The following COL14A1 variants were observed in gnomAD, a reference collection of about 807,000 sequenced individuals.
The protein encoded by COL14A1 is collagen type XIV alpha 1 chain, also known as collagen alpha-1(XIV) chain.
In COL14A1, 136 loss-of-function variants were observed where a neutral mutation model predicts 230.3. The ratio of observed to expected loss-of-function variants is 0.59; its 90% confidence interval spans 0.51 to 0.68. COL14A1 has a LOEUF of 0.68. Ranked by LOEUF, COL14A1 falls within the 30% of genes least tolerant of loss-of-function variation. The pLI, the probability that COL14A1 is intolerant of heterozygous loss-of-function variation, is 0.00. For synonymous variants in COL14A1, 792 were observed against 784.1 expected, an observed-to-expected ratio of 1.01 and a Z score of -0.17; for missense variants, 1,976 against 2,215.8, an observed-to-expected ratio of 0.89 and a Z score of 2.17.
intron 47 of COL14A1, chr8:120,370,567 G>T: frequency 1.4e-6 from 2 of 1,458,982 alleles, no homozygotes; most frequent in Non-Finnish European, 1.8e-6. Flanking sequence ...GATAACATCG[G>T]AACTTAACCA....
At chr8:120,194,400 C>T (rs987853508) in intron 5 of COL14A1, among the ~76,000 whole-genome samples, 5 of 152,046 alleles carry the variant, frequency 3.3e-5, no homozygotes, top group Admixed American at 6.6e-5. Context: ...ACCCAAGCCC[C>T]CCCTTACCCC....
chr8:120,372,043 G>A lies in COL14A1; in HGVS notation c.*812G>A. On this transcript the variant is annotated 3_prime_UTR_variant, in exon 48 of 48. Coordinates refer to ENST00000297848, the MANE Select transcript of COL14A1 (RefSeq NM_021110.4). ...ATAAAACTTTAAAACAATGTATGTG[G>A]ATTCTTTTTCCTGCATTTCTAAGTA... is the stretch of plus-strand genomic sequence containing the variant. 1 of 161,490 alleles carries A rather than the reference G, an allele frequency of 6.2e-6. No individual in the cohort carries two copies. The highest frequency in any genetic ancestry group is 1.3e-5 in the Non-Finnish European group (1 of 74,110). The allele number at this position is 161,490 out of a possible 1,614,324, so 10.0% of individuals were successfully genotyped here.
At chr8:120,219,078 C>A (rs778969234) in intron 14 of COL14A1, among the ~76,000 whole-genome samples, 35 of 151,338 alleles carry the variant, frequency 2.3e-4, no homozygotes, top group Admixed American at 1.8e-3. Flanking sequence ...TTCTTTTAGT[C>A]CATTTGGTTT....
At chr8:120,144,228 G>A (rs1243073368) in intron 1 of COL14A1, among the ~76,000 whole-genome samples, 4 of 152,158 alleles carry the variant, frequency 2.6e-5, no homozygotes, top group African/African-American at 9.7e-5. Context: ...TAGCTCAAAT[G>A]TAGTATCATT....
intron 1 of COL14A1, among the ~76,000 whole-genome samples, chr8:120,138,559 A>C (rs180998572): frequency 1.3e-5 from 2 of 152,310 alleles, no homozygotes; most frequent in East Asian, 3.9e-4. Context: ...GAGAGAAAAA[A>C]GCTAACCACC....
intron 36 of COL14A1, among the ~76,000 whole-genome samples, chr8:120,309,795 G>C (rs760582944): frequency 6.6e-6 from 1 of 152,022 alleles, no homozygotes; most frequent in Non-Finnish European, 1.5e-5. Context: ...AAAGAATTTG[G>C]CAAAGAAAGT....
At chr8:120,226,805 A>G (rs1449139511) in intron 16 of COL14A1, 39 bp downstream of exon 16, 1 of 1,595,150 alleles carries the variant, frequency 6.3e-7, no homozygotes, top group East Asian at 2.2e-5. Flanking sequence ...AATCTGGAGC[A>G]TTAGTGAATA....
At chr8:120,297,199 G>A (rs1473371348) in intron 34 of COL14A1, among the ~76,000 whole-genome samples, 1 of 151,906 alleles carries the variant, frequency 6.6e-6, no homozygotes, top group African/African-American at 2.4e-5. Flanking sequence ...TCATTTGGGA[G>A]CAGCTGTGAT....
chr8:120,333,035 T>G (rs559157992), intron 42 of COL14A1, among the ~76,000 whole-genome samples: 1 of 152,352 alleles, frequency 6.6e-6, no homozygotes, highest in South Asian at 2.1e-4. Context: ...CTCCAGAGAT[T>G]GGGTACAACA....
At chr8:120,244,699 G>A (rs1818710360) in intron 20 of COL14A1, among the ~76,000 whole-genome samples, 1 of 152,118 alleles carries the variant, frequency 6.6e-6, no homozygotes, top group South Asian at 2.1e-4. Context: ...CCAGGTTGCT[G>A]CAAATGCCAT....
intron 2 of COL14A1, among the ~76,000 whole-genome samples, chr8:120,154,644 C>T (rs1815401769): frequency 6.6e-6 from 1 of 152,116 alleles, no homozygotes; most frequent in Admixed American, 6.6e-5. Context: ...TTGGTTTCCT[C>T]TGGGCTCTTG....
intron 42 of COL14A1, among the ~76,000 whole-genome samples, chr8:120,335,842 C>T (rs781243519): frequency 3.3e-5 from 5 of 152,126 alleles, no homozygotes; most frequent in East Asian, 1.9e-4. Context: ...AGCACACGAA[C>T]GAAGGAGCTG....
chr8:120,321,062 T>C (rs750085838), intron 40 of COL14A1, among the ~76,000 whole-genome samples: 9 of 152,206 alleles, frequency 5.9e-5, no homozygotes, highest in Non-Finnish European at 1.2e-4. Flanking sequence ...CACAAAATTA[T>C]ATTAGTAAAG....
chr8:120,228,837 G>A, intron 18 of COL14A1, 68 bp downstream of exon 18: 1 of 1,309,028 alleles, frequency 7.6e-7, no homozygotes, highest in South Asian at 1.3e-5. Flanking sequence ...ATATTATCCT[G>A]GTTTTATTTA....
chr8:120,309,618 C>T (rs763289154), intron 36 of COL14A1, among the ~76,000 whole-genome samples: 29 of 152,032 alleles, frequency 1.9e-4, no homozygotes, highest in Non-Finnish European at 4.1e-4. Context: ...CTTTCATGTG[C>T]TTTCTACAAT....
chr8:120,307,229 G>T (rs746172709), intron 36 of COL14A1, among the ~76,000 whole-genome samples: 7 of 152,150 alleles, frequency 4.6e-5, no homozygotes, highest in Non-Finnish European at 8.8e-5. Context: ...GGATGAAAGG[G>T]AAAAGGGGGT....
chr8:120,255,517 G>T (rs1819116213), intron 23 of COL14A1, among the ~76,000 whole-genome samples, 161 bp downstream of exon 23: 1 of 152,118 alleles, frequency 6.6e-6, no homozygotes, highest in Admixed American at 6.5e-5. Flanking sequence ...TGACTGGTTG[G>T]GTAAGTGAAT....
At chr8:120,216,257 C>A in intron 13 of COL14A1, 94 bp from the exon 14 acceptor site, 1 of 990,472 alleles carries the variant, frequency 1.0e-6, no homozygotes, top group South Asian at 1.7e-5. Context: ...TGACACTTTT[C>A]ATATGTAAAT....
At chr8:120,370,634 G>T (rs1823554420) in intron 47 of COL14A1, 4 of 1,456,844 alleles carry the variant, frequency 2.7e-6, no homozygotes, top group African/African-American at 1.4e-5. Flanking sequence ...CTGGATAGAG[G>T]TATATGATCG....
Sources: allele counts gnomAD v4.1 joint callset (sites outside exome capture counted in the v4.1 genomes callset), GRCh38; gene constraint gnomAD v4.1.1; transcripts MANE v1.5; gene names NCBI Gene and HGNC (gene_info 2026-07-23, HGNC 2026-07-21).